LYST: variants seen among roughly 807,000 people sequenced by gnomAD.
LYST encodes lysosomal-trafficking regulator.
A neutral mutation model predicts 413.6 loss-of-function variants in LYST; 192 were observed. The observed-to-expected ratio is 0.46, with a 90% CI of 0.41 to 0.52. LYST has a LOEUF of 0.52. Ranked by LOEUF, LYST falls within the 20% of genes least tolerant of loss-of-function variation. The pLI is 0.00. For missense variants in LYST, 3,815 were observed against 4,499.9 expected (o/e 0.85, Z 4.35); for synonymous variants, 1,525 against 1,567.3 (o/e 0.97, Z 0.64).
intron 42 of LYST, chr1:235,713,264 A>G (rs1204146086): frequency 1.2e-6 from 1 of 853,538 alleles, no homozygotes; most frequent in Non-Finnish European, 1.4e-6. Flanking sequence ...CTTAGTAGAA[A>G]AAGTTATCAA....
chr1:235,780,587 T>C (rs1398832771), intron 16 of LYST, among the ~76,000 whole-genome samples: 3 of 152,010 alleles, frequency 2.0e-5, no homozygotes, highest in African/African-American at 7.2e-5. Context: ...TAAACATTTT[T>C]CCTGAATAAT....
At chr1:235,718,175 A>G (rs946666114) in intron 40 of LYST, among the ~76,000 whole-genome samples, 1 of 146,542 alleles carries the variant, frequency 6.8e-6, no homozygotes, top group Non-Finnish European at 1.5e-5. Context: ...GCAATTTTTT[A>G]TAGATAGTAT....
chr1:235,867,181 G>T (rs2103215186), upstream of LYST, among the ~76,000 whole-genome samples: 1 of 152,366 alleles, frequency 6.6e-6, no homozygotes, highest in South Asian at 2.1e-4. Flanking sequence ...TTTCTCAGCG[G>T]TCGGGGGTCG....
Position 235,808,381 on chromosome 1 carries a change from G to A in LYST, c.2363+74C>T. 4.3e-6 allele frequency: 6 copies of A among 1,398,340 alleles called. No individual in the cohort carries two copies. The South Asian group carries it at 7.6e-5, about 18-fold the overall frequency. The allele number at this position is 1,398,340 out of a possible 1,614,324, so 86.6% of individuals were successfully genotyped here. A position where few individuals can be genotyped will look rare whatever the true frequency, so the allele number is the denominator to read the frequency against. On this transcript the variant is annotated intron_variant, in intron 5 of 52. Coordinates refer to ENST00000389793, the MANE Select transcript of LYST (RefSeq NM_000081.4). ...AATGCATACAATTTATCACTCACTT[G>A]AAAGCATCCAATGAAAAAGATCTAG...
intron 1 of LYST, among the ~76,000 whole-genome samples, chr1:235,839,197 C>T (rs997065546): frequency 1.3e-5 from 2 of 151,954 alleles, no homozygotes; most frequent in African/African-American, 2.4e-5. Context: ...CATTATTCTA[C>T]CAGGACTGTG....
In LYST at chr1:235,759,159, C is replaced by T. The variant is rs748659198; in HGVS notation, c.6694G>A (p.Gly2232Arg). The change falls in exon 23 of 53, where the codon GGA becomes AGA. Residue 2232 changes from glycine to arginine, a missense_variant. Gly to Arg is a moderately radical substitution (Grantham distance 125). Around this residue, in one of 4 missense-constraint regions of LYST, gnomAD observed 771 missense variants for 837.1 expected, o/e 0.92. Transcript: ENST00000389793. ...SCPRRPDYLK[G>R]LASFQRSHST... ...TGGCTTCGCTGGAAGGAGGCCAATC[C>T]CTTTAGGTAATCAGGTCGGCGTGGG... The T allele has an allele frequency of 6.2e-7, 1 of 1,614,134 alleles. No homozygotes were observed. Among genetic ancestry groups the T allele is most frequent in the East Asian group, 2.2e-5 (1 of 44,878 alleles).
intron 1 of LYST, among the ~76,000 whole-genome samples, chr1:235,849,775 C>CAA (rs57262471): frequency 1.1e-4 from 7 of 61,798 alleles, no homozygotes; most frequent in Non-Finnish European, 2.0e-4. Flanking sequence ...ACAATAGCTC[C>CAA]AAAAAAAAAA....
intron 37 of LYST, among the ~76,000 whole-genome samples, chr1:235,729,386 C>T (rs1664165756): frequency 1.3e-5 from 2 of 152,108 alleles, no homozygotes; most frequent in African/African-American, 2.4e-5. Context: ...AACTAAAATG[C>T]TATTCATGTG....
At chr1:235,873,808 TAGAC>T (rs1681034419) in intron 1 of LYST, among the ~76,000 whole-genome samples, 1 of 152,198 alleles carries the variant, frequency 6.6e-6, no homozygotes, top group Non-Finnish European at 1.5e-5. Flanking sequence ...TCCTACACAA[TAGAC>T]AGGCTAAGAA....
At chr1:235,858,235 TGTGA>T (rs1679439250) in intron 1 of LYST, among the ~76,000 whole-genome samples, 1 of 152,246 alleles carries the variant, frequency 6.6e-6, no homozygotes, top group African/African-American at 2.4e-5. Flanking sequence ...ACTTCGTAGC[TGTGA>T]GTCTTGGGAA....
chr1:235,867,729 C>T (rs1680711147), upstream of LYST, among the ~76,000 whole-genome samples: 1 of 152,168 alleles, frequency 6.6e-6, no homozygotes, highest in Admixed American at 6.5e-5. Flanking sequence ...TCAAGGGCCA[C>T]CCTCCTCACC....
intron 1 of LYST, among the ~76,000 whole-genome samples, chr1:235,875,233 GGAGGAAGAT>G (rs1483568239): frequency 6.6e-6 from 1 of 152,120 alleles, no homozygotes; most frequent in Non-Finnish European, 1.5e-5. Context: ...GCAGGTGGGT[GGAGGAAGAT>G]GATTTGTGTT....
At chr1:235,745,630 G>C (rs1376435755) in intron 29 of LYST, among the ~76,000 whole-genome samples, 1 of 152,082 alleles carries the variant, frequency 6.6e-6, no homozygotes, top group Admixed American at 6.5e-5. Flanking sequence ...AATGCTTACA[G>C]AAGCTTTATT....
chr1:235,851,957 A>G (rs1678587465), intron 1 of LYST, among the ~76,000 whole-genome samples: 1 of 152,194 alleles, frequency 6.6e-6, no homozygotes, highest in Non-Finnish European at 1.5e-5. Context: ...TTTATTGACT[A>G]CTCACCATAC....
At chr1:235,677,850 T>C (rs1291386897) in intron 48 of LYST, among the ~76,000 whole-genome samples, 1 of 152,182 alleles carries the variant, frequency 6.6e-6, no homozygotes, top group African/African-American at 2.4e-5. Flanking sequence ...TGTTCAAATA[T>C]ACATGTATTT....
At chr1:235,817,766 G>A (rs1269681300) in intron 3 of LYST, among the ~76,000 whole-genome samples, 2 of 152,048 alleles carry the variant, frequency 1.3e-5, no homozygotes, top group African/African-American at 4.8e-5. Context: ...TGGGTACCAT[G>A]CTTATTACCT....
rs1378424644 is a variant in LYST, at chr1:235,683,797, G to A, written c.10800+3152C>T. Among the ~76,000 whole-genome samples, 6 of 152,168 alleles carry A rather than the reference G, an allele frequency of 3.9e-5. No individual in the cohort carries two copies. In the East Asian group the frequency reaches 9.6e-4, roughly 24 times the overall value. On this transcript the variant is annotated intron_variant, in intron 48 of 52. Transcript: ENST00000389793. Reference sequence around the variant, plus strand: ...GAAGAACAGAAACCAGTGAACATGAGGTGTCTCCTGCTAACCTCACAAGCT... The same window carrying A: ...GAAGAACAGAAACCAGTGAACATGAAGTGTCTCCTGCTAACCTCACAAGCT...
At chr1:235,815,637 G>A (rs1033108783) in intron 3 of LYST, among the ~76,000 whole-genome samples, 1 of 152,008 alleles carries the variant, frequency 6.6e-6, no homozygotes, top group Non-Finnish European at 1.5e-5. Context: ...TCCATACATC[G>A]ACAACACCCA....
chr1:235,826,204 C>T lies in LYST; in HGVS notation c.192+4022G>A, dbSNP rs1572383675. Among the ~76,000 whole-genome samples, 5 of 152,318 alleles carry T rather than the reference C, an allele frequency of 3.3e-5. No homozygotes were observed. In the South Asian group the frequency reaches 1.0e-3, roughly 32 times the overall value. ...CTGGTAAGAATGAAACATAGTACAA[C>T]TACTTTGCAAAACAGTTGGGCAGTT... On this transcript the variant is annotated intron_variant, in intron 3 of 52. Transcript: ENST00000389793.
Sources: gnomAD v4.1 joint callset for allele counts (sites outside exome capture counted in the v4.1 genomes callset) on GRCh38, gnomAD v4.1.1 for gene constraint, gnomAD v4.1.1 regional missense constraint, MANE v1.5 for transcripts, NCBI Gene and HGNC (gene_info 2026-07-23, HGNC 2026-07-21) for gene names.